Variants in ALMS1 observed in about 807,000 individuals in gnomAD.
ALMS1 encodes the protein ALMS1 centrosome and basal body associated protein, also known as centrosome-associated protein ALMS1.
A neutral mutation model predicts 352.2 loss-of-function variants in ALMS1; 271 were observed. That is an observed-to-expected ratio of 0.77 (90% CI 0.70 to 0.85). ALMS1 has a LOEUF of 0.85. Among genes scored for constraint, ALMS1 ranks in the 40% least tolerant of loss-of-function variants. The probability of loss-of-function intolerance (pLI) is 0.00; values close to 1 mark genes in which losing one functional copy is unlikely to be tolerated. For synonymous variants in ALMS1, 1,865 were observed against 1,761.2 expected (o/e 1.06, Z -1.48); for missense variants, 5,445 against 4,870.7 (o/e 1.12, Z -3.51).
intron 1 of ALMS1, among the ~76,000 whole-genome samples, chr2:73,395,080 T>TATA (rs1367871804): frequency 5.2e-4 from 57 of 108,620 alleles, no homozygotes; most frequent in Middle Eastern, 4.4e-3. Flanking sequence ...ATATATATAT[T>TATA]TTTTTTTTTT....
chr2:73,575,143 A>C (rs1188825821), intron 16 of ALMS1, among the ~76,000 whole-genome samples: 1 of 152,056 alleles, frequency 6.6e-6, no homozygotes. Flanking sequence ...TTGCATGTAT[A>C]TACCACATTT....
At chr2:73,419,819 A>G (rs566362783) in intron 3 of ALMS1, among the ~76,000 whole-genome samples, 4 of 152,290 alleles carry the variant, frequency 2.6e-5, no homozygotes, top group East Asian at 1.9e-4. Flanking sequence ...TCTGTTTAGT[A>G]TGGAACTGAT....
At chr2:73,545,229 G>A (rs955100115) in intron 12 of ALMS1, among the ~76,000 whole-genome samples, 3 of 147,900 alleles carry the variant, frequency 2.0e-5, no homozygotes, top group Admixed American at 6.8e-5. Flanking sequence ...TACCCAGGCT[G>A]GAGTACAGTG....
At chr2:73,561,836 CTG>C (rs765323205) in intron 15 of ALMS1, among the ~76,000 whole-genome samples, 5 of 152,116 alleles carry the variant, frequency 3.3e-5, no homozygotes, top group Non-Finnish European at 7.4e-5. Context: ...GAAATATAAT[CTG>C]TAAAAGCATA....
intron 9 of ALMS1, chr2:73,457,213 A>G (rs564929052): frequency 6.6e-6 from 1 of 152,270 alleles, no homozygotes; most frequent in Admixed American, 6.5e-5. Context: ...CATTTCTTGT[A>G]TCTATATAAT....
Position 73,529,192 on chromosome 2 carries a change from C to T in ALMS1, c.9782-5632C>T, listed in dbSNP as rs1050363591. Among the ~76,000 whole-genome samples, 8 of 151,820 alleles carry T rather than the reference C, an allele frequency of 5.3e-5. No homozygotes were observed. In the East Asian group the frequency reaches 7.7e-4, roughly 15 times the overall value. On this transcript the variant is annotated intron_variant, in intron 11 of 22. Transcript: ENST00000613296. ...CCGAGTAGCTGGAACTACAGGGGTGCGCCACCACACCCAGCTAATTTTTGT... is the reference window on the plus strand; with the variant it reads ...CCGAGTAGCTGGAACTACAGGGGTGTGCCACCACACCCAGCTAATTTTTGT...
intron 9 of ALMS1, among the ~76,000 whole-genome samples, chr2:73,471,901 T>G (rs1329021414): frequency 6.6e-6 from 1 of 151,968 alleles, no homozygotes; most frequent in Non-Finnish European, 1.5e-5. Flanking sequence ...GGAGATCCCA[T>G]GTTCACAATA....
rs1416412259 is a variant in ALMS1 at position 73,581,300 on chromosome 2, T to C, written c.11547+7876T>C. ...CTACTTTTTCACTCTAAGAGAGTTA[T>C]GTTAGGTGAAACTAAGGCAGGTCCC... On this transcript the variant is annotated intron_variant, in intron 16 of 22. Coordinates refer to ENST00000613296, the MANE Select transcript of ALMS1 (RefSeq NM_001378454.1). Among the ~76,000 whole-genome samples the C allele has an allele frequency of 2.0e-5, 3 of 152,354 alleles. No individual in the cohort carries two copies. The East Asian group carries it at 5.8e-4, about 29-fold the overall frequency.
chr2:73,548,385 C>G lies in ALMS1; in HGVS notation c.9908-1882C>G, dbSNP rs574135515. Reference sequence around the variant, plus strand: ...AGGAAAATAAGTATATGTACATTCACTGACACGCACACATGTGTGGCTGCA... The same window carrying G: ...AGGAAAATAAGTATATGTACATTCAGTGACACGCACACATGTGTGGCTGCA... On this transcript the variant is annotated intron_variant, in intron 12 of 22. Transcript: ENST00000613296. Among the ~76,000 whole-genome samples the G allele has an allele frequency of 2.6e-5, 4 of 152,312 alleles. No homozygotes were observed. The South Asian group carries it at 8.3e-4, about 32-fold the overall frequency.
intron 7 of ALMS1, among the ~76,000 whole-genome samples, chr2:73,440,944 A>G (rs996801221): frequency 1.3e-5 from 2 of 152,136 alleles, no homozygotes; most frequent in African/African-American, 2.4e-5. Flanking sequence ...GGGGAGTTGC[A>G]TTCTGGTCTA....
chr2:73,529,771 A>G (rs897096150), intron 11 of ALMS1, among the ~76,000 whole-genome samples: 4 of 152,222 alleles, frequency 2.6e-5, no homozygotes, highest in Non-Finnish European at 4.4e-5. Flanking sequence ...AGGGAGTTCA[A>G]TTGACTCAGT....
intron 2 of ALMS1, among the ~76,000 whole-genome samples, chr2:73,415,337 C>T (rs1177696482): frequency 1.3e-5 from 2 of 151,832 alleles, no homozygotes; most frequent in African/African-American, 4.8e-5. Context: ...AATATGTTTG[C>T]ATAGGAGAGG....
At chr2:73,476,396 T>C (rs1025118454) in intron 9 of ALMS1, among the ~76,000 whole-genome samples, 7 of 152,092 alleles carry the variant, frequency 4.6e-5, no homozygotes, top group African/African-American at 1.7e-4. Flanking sequence ...CTGCTTTCAC[T>C]TCTTTTGGGT....
intron 16 of ALMS1, among the ~76,000 whole-genome samples, chr2:73,599,056 T>G (rs1380687962): frequency 1.3e-5 from 2 of 152,186 alleles, no homozygotes; most frequent in Non-Finnish European, 2.9e-5. Flanking sequence ...CAGGCCTCTT[T>G]ATCTCACATG....
intron 22 of ALMS1, among the ~76,000 whole-genome samples, chr2:73,609,000 G>A (rs1675883290): frequency 6.6e-6 from 1 of 152,218 alleles, no homozygotes; most frequent in Non-Finnish European, 1.5e-5. Context: ...ATGGTCAGAG[G>A]CCTCCAACTT....
Position 73,450,634 on chromosome 2 carries a change from G to A in ALMS1, c.4107G>A (p.Gln1369=). ...CAGTTGCCTCTGAACCAGTTGACCA[G>A]ACAACTGGCACACCAACTGTAACCT... is the stretch of plus-strand genomic sequence containing the variant. ...KISVASEPVD[Q]TTGTPTVTST... The change falls in exon 8 of 23, where the codon CAG becomes CAA. Residue 1369 remains glutamine, a synonymous_variant. Coordinates refer to ENST00000613296, the MANE Select transcript of ALMS1 (RefSeq NM_001378454.1). The A allele has an allele frequency of 6.2e-7, 1 of 1,613,198 alleles. No homozygotes were observed.
chr2:73,562,793 A>G (rs1674693109), intron 15 of ALMS1, among the ~76,000 whole-genome samples: 1 of 152,100 alleles, frequency 6.6e-6, no homozygotes, highest in Non-Finnish European at 1.5e-5. Context: ...AGGCTGAGGC[A>G]GGAGAAGCGC....
At chr2:73,571,432 A>G (rs1366817357) in intron 15 of ALMS1, among the ~76,000 whole-genome samples, 1 of 152,174 alleles carries the variant, frequency 6.6e-6, no homozygotes, top group Non-Finnish European at 1.5e-5. Context: ...GTGAGAGCCC[A>G]GTCTCTGCTT....
At chr2:73,579,065 TTTTTTATTTA>T (rs1352628404) in intron 16 of ALMS1, among the ~76,000 whole-genome samples, 1 of 136,512 alleles carries the variant, frequency 7.3e-6, no homozygotes, top group Non-Finnish European at 1.5e-5. Flanking sequence ...CCTTTATTCT[TTTTTTATTTA>T]TTTTTTTTTT....
Sources: allele counts gnomAD v4.1 joint callset (sites outside exome capture counted in the v4.1 genomes callset), GRCh38; gene constraint gnomAD v4.1.1; transcripts MANE v1.5; gene names NCBI Gene and HGNC (gene_info 2026-07-23, HGNC 2026-07-21).